FXR2: variants seen among roughly 807,000 people sequenced by gnomAD.
FXR2 encodes the protein RNA-binding protein FXR2.
In FXR2, 9 loss-of-function variants were observed where a neutral mutation model predicts 87.3. That is an observed-to-expected ratio of 0.10 (90% CI 0.06 to 0.18). The LOEUF is 0.18. Among genes scored for constraint, FXR2 ranks in the 10% least tolerant of loss-of-function variants. FXR2 has a pLI of 1.00. For synonymous variants in FXR2, 331 were observed against 328.3 expected, an observed-to-expected ratio of 1.01 and a Z score of -0.09; for missense variants, 661 against 893.6, an observed-to-expected ratio of 0.74 and a Z score of 3.32.
intron 7 of FXR2, among the ~76,000 whole-genome samples, chr17:7,598,327 C>G (rs573237638): frequency 7.9e-5 from 12 of 152,052 alleles, no homozygotes; most frequent in Non-Finnish European, 1.8e-4. Flanking sequence ...TGGTGGCAGG[C>G]GCCTGTAGTC....
At position 7,598,700 on chromosome 17, in the gene FXR2, A is replaced by G. The variant is rs192470745; in HGVS notation, c.661-2706T>C. ...ACGACAGAATGAGACTCCGTCTCAA[A>G]AAATTAAAAAACAACAACAAAAATT... On this transcript the variant is annotated intron_variant, in intron 7 of 16. Coordinates refer to ENST00000250113, the MANE Select transcript of FXR2 (RefSeq NM_004860.4). Among the ~76,000 whole-genome samples the G allele has an allele frequency of 7.5e-4, 114 of 152,228 alleles. 1 individual carries two copies. The East Asian group carries it at 0.018, about 24-fold the overall frequency.
At chr17:7,598,113 C>T (rs187675731) in intron 7 of FXR2, among the ~76,000 whole-genome samples, 10 of 152,230 alleles carry the variant, frequency 6.6e-5, no homozygotes, top group Admixed American at 5.9e-4. Flanking sequence ...TGCTTCCATT[C>T]TTGCCCCCCT....
rs2071662841 is a variant in FXR2 at position 7,591,777 on chromosome 17, A to G, written c.*53T>C. The G allele has an allele frequency of 1.0e-6, 1 of 983,184 alleles. No homozygotes were observed. The highest frequency in any genetic ancestry group is 1.6e-6 in the Non-Finnish European group (1 of 608,882). The allele number at this position is 983,184 out of a possible 1,614,324, so 60.9% of individuals were successfully genotyped here. A position where few individuals can be genotyped will look rare whatever the true frequency, so the allele number is the denominator to read the frequency against. ...CAGGTCAGTTGGGCCTGTGAGGGCC[A>G]TGGTGTTGGGCAGCAAGCGAGATGG... On this transcript the variant is annotated 3_prime_UTR_variant, in exon 17 of 17. Coordinates refer to ENST00000250113, the MANE Select transcript of FXR2 (RefSeq NM_004860.4). This position sits in a 1 kb window ranked among gnomAD's most constrained non-coding sequence, Gnocchi z 4.0.
chr17:7,614,199 A>G, intron 1 of FXR2: 1 of 676,372 alleles, frequency 1.5e-6, no homozygotes, highest in Non-Finnish European at 2.7e-6. Context: ...CAAGCCAGGG[A>G]CAATAATGGC....
intron 6 of FXR2, among the ~76,000 whole-genome samples, chr17:7,601,788 G>A (rs1182582021): frequency 6.6e-6 from 1 of 152,038 alleles, no homozygotes; most frequent in African/African-American, 2.4e-5. Context: ...TTAGCTGGGC[G>A]TGGTGGCACA....
chr17:7,609,957 T>TGTATATGTATAC (rs2071840479), intron 1 of FXR2, among the ~76,000 whole-genome samples: 2 of 60,760 alleles, frequency 3.3e-5, no homozygotes, highest in Admixed American at 1.6e-4. Context: ...TATGTATACA[T>TGTATATGTATAC]ATATATACAT....
In FXR2 at chr17:7,592,185, T is replaced by C. The variant is rs2071667717; in HGVS notation, c.1926+69A>G. The stretch of plus-strand genomic sequence containing the variant: ...GCAATTCAGTAGGAGATTTGTGAAA[T>C]TTTTTGTGCCCCCTGCCCCAGAGTA... On this transcript the variant is annotated intron_variant, in intron 16 of 16. Transcript: ENST00000250113. This position sits in a 1 kb window ranked among gnomAD's most constrained non-coding sequence, Gnocchi z 4.8. 6.5e-7 allele frequency: 1 copy of C among 1,550,248 alleles called. No homozygotes were observed. Among genetic ancestry groups the C allele is most frequent in the African/African-American group, 1.4e-5 (1 of 73,164 alleles).
intron 1 of FXR2, among the ~76,000 whole-genome samples, chr17:7,613,558 T>C (rs2071896040): frequency 6.6e-6 from 1 of 152,076 alleles, no homozygotes; most frequent in Admixed American, 6.5e-5. Flanking sequence ...CCAAAAAAGG[T>C]TGTCAGATTC....
intron 1 of FXR2, among the ~76,000 whole-genome samples, chr17:7,610,991 A>C (rs1353856399): frequency 6.6e-6 from 1 of 152,234 alleles, no homozygotes; most frequent in Non-Finnish European, 1.5e-5. Flanking sequence ...TTCTAGGAGA[A>C]GAGCAGGAAC....
intron 1 of FXR2, chr17:7,614,155 G>A (rs1309668221): frequency 3.2e-6 from 2 of 624,556 alleles, no homozygotes; most frequent in East Asian, 6.6e-5. Flanking sequence ...TTAGAAGCTG[G>A]GTAAAGGGGT....
chr17:7,609,915 T>TAC (rs1366915638), intron 1 of FXR2, among the ~76,000 whole-genome samples: 9 of 125,162 alleles, frequency 7.2e-5, no homozygotes, highest in African/African-American at 9.4e-5. Context: ...TATATATGTA[T>TAC]ATATACATGT....
chr17:7,605,251 C>T lies in FXR2; in HGVS notation c.228+394G>A, dbSNP rs140949449. On this transcript the variant is annotated intron_variant, in intron 3 of 16. Coordinates refer to ENST00000250113, the MANE Select transcript of FXR2 (RefSeq NM_004860.4). Reference sequence around the variant, plus strand: ...AGCATGATGGCAGGTGCTTGTAATCCCAGCTACTTGGGAGGCTGAGGTGGA... The same window carrying T: ...AGCATGATGGCAGGTGCTTGTAATCTCAGCTACTTGGGAGGCTGAGGTGGA... 8.6e-5 allele frequency among the ~76,000 whole-genome samples: 13 copies of T among 152,042 alleles called. 1 individual carries two copies. In the East Asian group the frequency reaches 2.5e-3, roughly 30 times the overall value.
At chr17:7,612,996 CAAAAAAA>C (rs34323537) in intron 1 of FXR2, among the ~76,000 whole-genome samples, 4 of 49,548 alleles carry the variant, frequency 8.1e-5, no homozygotes, top group African/African-American at 1.6e-4. Flanking sequence ...GACTCCATCT[CAAAAAAA>C]AAAAAAAAAA....
chr17:7,592,322 A>C lies in FXR2; in HGVS notation c.1858T>G (p.Ser620Ala), dbSNP rs1033830350. 6.2e-6 allele frequency: 10 copies of C among 1,613,232 alleles called. No individual in the cohort carries two copies. Among genetic ancestry groups the C allele is most frequent in the African/African-American group, 1.3e-5 (1 of 74,942 alleles). The change falls in exon 16 of 17, where the codon TCT (serine) becomes GCT (alanine). Residue 620 changes from serine (S) to alanine (A), a missense_variant. Coordinates refer to ENST00000250113, the MANE Select transcript of FXR2 (RefSeq NM_004860.4). The surrounding 1 kb of genome is among the most constrained non-coding windows in gnomAD (Gnocchi z 4.8). ...TVADYISRAESQSRQRPPLER... is the reference protein window; with the variant it reads ...TVADYISRAEAQSRQRPPLER... ...AGGGGTGGCCTCTGGCGGCTCTGAG[A>C]CTCTGCTCGTGAGATATAGTCAGCC...
Position 7,593,610 on chromosome 17 carries a change from G to A in FXR2, c.1123C>T (p.Arg375Cys), listed in dbSNP as rs1470672917. The A allele has an allele frequency of 4.4e-6, 7 of 1,587,880 alleles. No individual in the cohort carries two copies. The highest frequency in any genetic ancestry group is 6.0e-6 in the Non-Finnish European group (7 of 1,168,238). ...LSYLQEVEQL[R>C]LERLQIDEQL... ...TCATCAATTTGTAGCCTCTCCAAGC[G>A]AAGCTGCTCTACCTCCTGGTTGGGT... The change falls in exon 12 of 17, where the codon CGC becomes TGC. Residue 375 changes from arginine to cysteine, a missense_variant. Arg to Cys is a radical substitution (Grantham distance 180). This residue lies in a region of FXR2 where 409 missense variants were observed against 432.0 expected (regional missense o/e 0.95). Coordinates refer to ENST00000250113, the MANE Select transcript of FXR2 (RefSeq NM_004860.4). This position sits in a 1 kb window ranked among gnomAD's most constrained non-coding sequence, Gnocchi z 6.1.
chr17:7,596,998 G>A (rs1005195274), intron 7 of FXR2, among the ~76,000 whole-genome samples: 7 of 152,162 alleles, frequency 4.6e-5, no homozygotes, highest in African/African-American at 7.2e-5. Context: ...TGCTTGGGAG[G>A]CTGAGGCAGG....
At chr17:7,596,179 A>G in intron 7 of FXR2, 185 bp from the exon 8 acceptor site, 2 of 548,788 alleles carry the variant, frequency 3.6e-6, no homozygotes, top group South Asian at 4.6e-5. Flanking sequence ...TTTCTTTGAG[A>G]TGGCGTCTCG....
Position 7,594,391 on chromosome 17 carries a change from G to A in FXR2, c.911-44C>T. 2 of 1,260,908 alleles carry A rather than the reference G, an allele frequency of 1.6e-6. No homozygotes were observed. The highest frequency in any genetic ancestry group is 1.2e-6 in the Non-Finnish European group (1 of 866,448). The allele number at this position is 1,260,908 out of a possible 1,614,324, so 78.1% of individuals were successfully genotyped here. ...GAATTCAGCCTTTTATTTTTTTTAA[G>A]GAAATAAGAATAAAGCTGATACACC... is the stretch of plus-strand genomic sequence containing the variant. On this transcript the variant is annotated intron_variant, in intron 9 of 16. Transcript: ENST00000250113. The surrounding 1 kb of genome is among the most constrained non-coding windows in gnomAD (Gnocchi z 5.1).
chr17:7,602,285 G>A (rs947775319), intron 6 of FXR2, among the ~76,000 whole-genome samples: 1 of 152,072 alleles, frequency 6.6e-6, no homozygotes, highest in Non-Finnish European at 1.5e-5. Context: ...AGCCGGGCAT[G>A]TCGGGCGCGG....
Sources: gnomAD v4.1 joint callset for allele counts (sites outside exome capture counted in the v4.1 genomes callset) on GRCh38, gnomAD v4.1.1 for gene constraint, gnomAD v4.1.1 regional missense constraint, Gnocchi (gnomAD v3.1) non-coding constraint, MANE v1.5 for transcripts, NCBI Gene and HGNC (gene_info 2026-07-23, HGNC 2026-07-21) for gene names.